MAGI2: variants seen among roughly 807,000 people sequenced by gnomAD.
MAGI2 encodes membrane-associated guanylate kinase, WW and PDZ domain-containing protein 2.
MAGI2 carries 35 observed loss-of-function variants against 133.3 expected under a neutral mutation model. The ratio of observed to expected loss-of-function variants is 0.26; its 90% confidence interval spans 0.20 to 0.35. MAGI2 has a LOEUF of 0.35. Among genes scored for constraint, MAGI2 ranks in the 10% least tolerant of loss-of-function variants. MAGI2 has a pLI of 1.00. For synonymous variants in MAGI2, 729 were observed against 710.6 expected (o/e 1.03, Z -0.41); for missense variants, 1,636 against 1,863.4 (o/e 0.88, Z 2.25).
chr7:78,976,719 A>AAG (rs199851433), intron 2 of MAGI2, among the ~76,000 whole-genome samples: 3,171 of 151,490 alleles, frequency 0.021, 112 homozygotes, highest in African/African-American at 0.072. Flanking sequence ...ACTACAAAAA[A>AAG]AAAACAAAAA....
chr7:78,757,607 T>A (rs1286259823), intron 2 of MAGI2, among the ~76,000 whole-genome samples: 1 of 152,312 alleles, frequency 6.6e-6, no homozygotes, highest in East Asian at 1.9e-4. Flanking sequence ...AGTCCTCATC[T>A]TATATGACTT....
intron 20 of MAGI2, among the ~76,000 whole-genome samples, chr7:78,084,344 C>T (rs1212280536): frequency 6.6e-6 from 1 of 152,188 alleles, no homozygotes; most frequent in African/African-American, 2.4e-5. Flanking sequence ...CCCTCATGGA[C>T]AGGGAACACA....
At chr7:78,604,160 T>G (rs757103501) in intron 3 of MAGI2, among the ~76,000 whole-genome samples, 1 of 152,044 alleles carries the variant, frequency 6.6e-6, no homozygotes, top group Non-Finnish European at 1.5e-5. Flanking sequence ...ATCAAAACGA[T>G]GAGTAGGATT....
At chr7:78,527,704 A>C (rs1005001374) in intron 3 of MAGI2, among the ~76,000 whole-genome samples, 1 of 152,182 alleles carries the variant, frequency 6.6e-6, no homozygotes, top group Admixed American at 6.5e-5. Flanking sequence ...ACTTACTTCC[A>C]ACACCTTTTT....
intron 1 of MAGI2, among the ~76,000 whole-genome samples, chr7:79,074,317 C>G (rs1815263866): frequency 6.6e-6 from 1 of 152,122 alleles, no homozygotes; most frequent in Non-Finnish European, 1.5e-5. Flanking sequence ...ACATAATATT[C>G]TATTTTATTC....
At chr7:79,310,860 G>A (rs1339842313) in intron 1 of MAGI2, among the ~76,000 whole-genome samples, 1 of 151,934 alleles carries the variant, frequency 6.6e-6, no homozygotes, top group Admixed American at 6.6e-5. Flanking sequence ...CCTTTCTACA[G>A]CAGTACTACA....
chr7:79,273,777 T>C (rs1014430724), intron 1 of MAGI2, among the ~76,000 whole-genome samples: 6 of 152,042 alleles, frequency 3.9e-5, no homozygotes, highest in Non-Finnish European at 7.4e-5. Flanking sequence ...CAATCAGACA[T>C]GCCTTCACTG....
At chr7:79,082,008 G>A (rs1411250060) in intron 1 of MAGI2, among the ~76,000 whole-genome samples, 1 of 152,132 alleles carries the variant, frequency 6.6e-6, no homozygotes, top group East Asian at 1.9e-4. Context: ...CCGAGTCATA[G>A]GGTAACTTTC....
intron 21 of MAGI2, among the ~76,000 whole-genome samples, chr7:78,065,303 G>C (rs770307005): frequency 6.6e-6 from 1 of 152,124 alleles, no homozygotes; most frequent in Admixed American, 6.5e-5. Flanking sequence ...GGTGGAACGC[G>C]GCCAGTGCTG....
chr7:78,074,091 T>C (rs541609802), intron 21 of MAGI2, among the ~76,000 whole-genome samples: 1 of 152,284 alleles, frequency 6.6e-6, no homozygotes, highest in East Asian at 1.9e-4. Context: ...TTGCAGCTGC[T>C]CCACAACCTC....
intron 21 of MAGI2, among the ~76,000 whole-genome samples, chr7:78,060,434 CTTG>C (rs1563067856): frequency 6.6e-6 from 1 of 152,238 alleles, no homozygotes; most frequent in African/African-American, 2.4e-5. Context: ...TTCAGTCTTT[CTTG>C]TTGTCCTCAA....
chr7:78,356,143 T>C (rs1412493022), intron 7 of MAGI2, among the ~76,000 whole-genome samples: 3 of 152,204 alleles, frequency 2.0e-5, no homozygotes, highest in Non-Finnish European at 4.4e-5. Context: ...TGAGGGTGGG[T>C]CATGTCTCTG....
intron 3 of MAGI2, among the ~76,000 whole-genome samples, chr7:78,587,250 TC>T (rs1803519074): frequency 6.6e-6 from 1 of 152,224 alleles, no homozygotes; most frequent in Non-Finnish European, 1.5e-5. Context: ...ATTTTTCCTT[TC>T]CTTATCCCCC....
intron 2 of MAGI2, among the ~76,000 whole-genome samples, chr7:78,842,971 G>T (rs1353630913): frequency 6.6e-6 from 1 of 151,774 alleles, no homozygotes; most frequent in African/African-American, 2.4e-5. Flanking sequence ...TCCAAAAAAA[G>T]CTTTAAATAT....
intron 2 of MAGI2, among the ~76,000 whole-genome samples, chr7:78,730,739 G>A (rs1025846181): frequency 1.3e-5 from 2 of 152,032 alleles, no homozygotes; most frequent in African/African-American, 2.4e-5. Context: ...AGTGGTCTCC[G>A]CTGGGAAACA....
At chr7:79,237,714 C>T (rs932115675) in intron 1 of MAGI2, among the ~76,000 whole-genome samples, 3 of 152,092 alleles carry the variant, frequency 2.0e-5, no homozygotes, top group Non-Finnish European at 4.4e-5. Context: ...TTATCATAGC[C>T]CTAAATACAT....
intron 13 of MAGI2, 72 bp from the exon 14 acceptor site, chr7:78,178,174 A>G (rs1826842712): frequency 5.4e-6 from 5 of 920,610 alleles, no homozygotes; most frequent in Non-Finnish European, 3.6e-6. Context: ...TGAACATACC[A>G]ATGATAAATT....
chr7:79,288,448 T>A (rs1179637921), intron 1 of MAGI2, among the ~76,000 whole-genome samples: 1 of 152,204 alleles, frequency 6.6e-6, no homozygotes, highest in Non-Finnish European at 1.5e-5. Context: ...ACTATTACAC[T>A]GTATTTCATA....
chr7:79,335,236 T>C (rs933169781), intron 1 of MAGI2, among the ~76,000 whole-genome samples: 5 of 152,132 alleles, frequency 3.3e-5, no homozygotes, highest in Non-Finnish European at 7.4e-5. Context: ...GACTTTAACA[T>C]AGTTTATTTT....
Sources: gnomAD v4.1 joint callset for allele counts (sites outside exome capture counted in the v4.1 genomes callset) on GRCh38, gnomAD v4.1.1 for gene constraint, MANE v1.5 for transcripts, NCBI Gene and HGNC (gene_info 2026-07-23, HGNC 2026-07-21) for gene names.